BMP7: variants seen among roughly 807,000 people sequenced by gnomAD.
The protein encoded by BMP7 is bone morphogenetic protein 7.
Under a neutral mutation model 41.2 loss-of-function variants are expected in BMP7, and 12 were observed. The ratio of observed to expected loss-of-function variants is 0.29; its 90% CI spans 0.19 to 0.47. The LOEUF (loss-of-function observed/expected upper bound fraction) is 0.47, where lower values mean the gene tolerates loss of function less well. Ranked by LOEUF, BMP7 falls within the 20% of genes least tolerant of loss-of-function variation. The probability of loss-of-function intolerance (pLI) is 0.99; values close to 1 mark genes in which losing one functional copy is unlikely to be tolerated. For missense variants in BMP7, 467 were observed against 606.0 expected, an observed-to-expected ratio of 0.77 and a Z score of 2.41; for synonymous variants, 248 against 250.0, an observed-to-expected ratio of 0.99 and a Z score of 0.07.
chr20:57,229,324 A>G (rs547851405), intron 1 of BMP7, among the ~76,000 whole-genome samples: 15 of 152,214 alleles, frequency 9.9e-5, no homozygotes, highest in Non-Finnish European at 1.8e-4. Context: ...AACAGCACTA[A>G]AAGGAGTGAA....
At chr20:57,202,707 T>TGGGGG in intron 2 of BMP7, 84 bp from the exon 3 acceptor site, 1 of 531,558 alleles carries the variant, frequency 1.9e-6, no homozygotes, top group Non-Finnish European at 3.5e-6. Flanking sequence ...CAGAGCCTCA[T>TGGGGG]GGGGTGGGAG....
chr20:57,203,202 T>C (rs535979208), intron 2 of BMP7, among the ~76,000 whole-genome samples: 1 of 152,332 alleles, frequency 6.6e-6, no homozygotes, highest in African/African-American at 2.4e-5. Flanking sequence ...TTCCAGGACG[T>C]GCACCATCTT....
intron 2 of BMP7, among the ~76,000 whole-genome samples, chr20:57,203,194 C>T (rs1049625358): frequency 2.6e-5 from 4 of 152,150 alleles, no homozygotes; most frequent in African/African-American, 9.7e-5. Flanking sequence ...CTCTTCATTT[C>T]CAGGACGTGC....
chr20:57,185,457 T>C (rs1984187816), intron 3 of BMP7, among the ~76,000 whole-genome samples: 1 of 152,156 alleles, frequency 6.6e-6, no homozygotes, highest in Non-Finnish European at 1.5e-5. Context: ...ACTGGCATGC[T>C]CTTGGCCCAA....
intron 2 of BMP7, among the ~76,000 whole-genome samples, chr20:57,222,258 G>A (rs1985206670): frequency 6.6e-6 from 1 of 152,094 alleles, no homozygotes; most frequent in Non-Finnish European, 1.5e-5. Flanking sequence ...AGCCAGGCTC[G>A]GGATGAATTA....
chr20:57,259,616 TCAATCCACTC>T lies in BMP7; in HGVS notation c.418+6079_418+6088del, dbSNP rs1441512593. On this transcript the variant is annotated intron_variant, in intron 1 of 6. Coordinates refer to ENST00000395863, the MANE Select transcript of BMP7 (RefSeq NM_001719.3). The surrounding 1 kb of genome is among the most constrained non-coding windows in gnomAD (Gnocchi z 4.7). Reference sequence around the variant, plus strand: ...TGGTGCTCTCGGAGTTGTCATTAATTCAATCCACTCCACGCGGATCAGCACAGGCTTTGCG... The same window carrying T: ...TGGTGCTCTCGGAGTTGTCATTAATTCACGCGGATCAGCACAGGCTTTGCG... Among the ~76,000 whole-genome samples the T allele has an allele frequency of 6.6e-6, 1 of 152,200 alleles. No homozygotes were observed. Among genetic ancestry groups the T allele is most frequent in the Non-Finnish European group, 1.5e-5 (1 of 68,038 alleles).
At chr20:57,192,194 G>C (rs1414129302) in intron 3 of BMP7, among the ~76,000 whole-genome samples, 1 of 118,408 alleles carries the variant, frequency 8.4e-6, no homozygotes, top group Non-Finnish European at 1.6e-5. Flanking sequence ...ATTATATATA[G>C]TATATATACT....
At chr20:57,247,355 C>T (rs2066094374) in intron 1 of BMP7, among the ~76,000 whole-genome samples, 1 of 152,202 alleles carries the variant, frequency 6.6e-6, no homozygotes, top group Non-Finnish European at 1.5e-5. Context: ...CCTCTTGTCC[C>T]ACAGTCACAA....
At chr20:57,244,721 T>C (rs2066082881) in intron 1 of BMP7, among the ~76,000 whole-genome samples, 1 of 152,172 alleles carries the variant, frequency 6.6e-6, no homozygotes, top group Non-Finnish European at 1.5e-5. Flanking sequence ...ACCTGTGCCT[T>C]GCCTGCTCCC....
intron 1 of BMP7, among the ~76,000 whole-genome samples, chr20:57,263,094 T>A (rs1437579675): frequency 1.3e-5 from 2 of 152,180 alleles, no homozygotes; most frequent in Admixed American, 6.5e-5. Context: ...CTCGCCAAAC[T>A]GCAGCCCAGG....
At chr20:57,189,962 T>G (rs1984311369) in intron 3 of BMP7, among the ~76,000 whole-genome samples, 1 of 152,076 alleles carries the variant, frequency 6.6e-6, no homozygotes, top group Non-Finnish European at 1.5e-5. Context: ...TGGGGCACAG[T>G]GTACAGGGCA....
Position 57,174,672 on chromosome 20 carries a change from A to C in BMP7, c.1035+259T>G, listed in dbSNP as rs1297120467. On this transcript the variant is annotated intron_variant, in intron 5 of 6. Coordinates refer to ENST00000395863, the MANE Select transcript of BMP7 (RefSeq NM_001719.3). The surrounding 1 kb of genome is among the most constrained non-coding windows in gnomAD (Gnocchi z 4.3). Reference sequence around the variant, plus strand: ...AGCAGCCAGCCAAGGGATGGGAATGAGGTGCATGCAGAGAATGGGGTTCAG... The same window carrying C: ...AGCAGCCAGCCAAGGGATGGGAATGCGGTGCATGCAGAGAATGGGGTTCAG... Among the ~76,000 whole-genome samples the C allele has an allele frequency of 6.6e-6, 1 of 152,148 alleles. No homozygotes were observed. The highest frequency in any genetic ancestry group is 1.5e-5 in the Non-Finnish European group (1 of 68,018).
chr20:57,199,930 GA>G (rs1984583475), intron 3 of BMP7, among the ~76,000 whole-genome samples: 1 of 152,236 alleles, frequency 6.6e-6, no homozygotes, highest in Non-Finnish European at 1.5e-5. Context: ...CCCGGAGTCA[GA>G]GGGGGACAGG....
Position 57,175,045 on chromosome 20 carries a change from A to G in BMP7, c.959-38T>C, listed in dbSNP as rs113035312. 3,582 of 1,585,370 alleles carry G rather than the reference A, an allele frequency of 2.3e-3. 6 individuals are homozygous for G. The highest frequency in any genetic ancestry group is 2.9e-3 in the Non-Finnish European group (3,371 of 1,166,588). ...GGAAGTGAAGAAGCAGAGCCCAGTG[A>G]GGAGAAAGAAACACACACACATCAA... On this transcript the variant is annotated intron_variant, in intron 4 of 6. Transcript: ENST00000395863.
At position 57,200,763 on chromosome 20, in the gene BMP7, C is replaced by T. The variant is rs117663046; in HGVS notation, c.760+1712G>A. 3.4e-3 allele frequency among the ~76,000 whole-genome samples: 512 copies of T among 152,232 alleles called. 2 individuals are homozygous for T. The highest frequency in any genetic ancestry group is 5.4e-3 in the Admixed American group (83 of 15,290). ...TGAATCGAGATCGTGCCATTGCACT[C>T]CAGCCTGGGTGACAGAGACTCCATC... On this transcript the variant is annotated intron_variant, in intron 3 of 6. Coordinates refer to ENST00000395863, the MANE Select transcript of BMP7 (RefSeq NM_001719.3).
At chr20:57,258,733 G>T (rs1190064697) in intron 1 of BMP7, among the ~76,000 whole-genome samples, 1 of 152,090 alleles carries the variant, frequency 6.6e-6, no homozygotes, top group Non-Finnish European at 1.5e-5. Flanking sequence ...AAATTCCATT[G>T]ATCTCTGAAA....
chr20:57,181,795 C>T (rs1267423028), intron 4 of BMP7, among the ~76,000 whole-genome samples: 1 of 152,186 alleles, frequency 6.6e-6, no homozygotes, highest in Non-Finnish European at 1.5e-5. Flanking sequence ...GCTCCAACCA[C>T]AGCTCAAAAA....
At chr20:57,185,313 C>A (rs955455887) in intron 3 of BMP7, among the ~76,000 whole-genome samples, 2 of 152,194 alleles carry the variant, frequency 1.3e-5, no homozygotes, top group African/African-American at 2.4e-5. Context: ...TCCCAAGTGC[C>A]CTTCATCCAG....
At chr20:57,251,704 C>T (rs2066114546) in intron 1 of BMP7, among the ~76,000 whole-genome samples, 1 of 152,188 alleles carries the variant, frequency 6.6e-6, no homozygotes, top group African/African-American at 2.4e-5. Flanking sequence ...GAGGCCGAGG[C>T]AGGCAGATCC....
Sources: allele counts gnomAD v4.1 joint callset (sites outside exome capture counted in the v4.1 genomes callset), GRCh38; gene constraint gnomAD v4.1.1; non-coding constraint Gnocchi (gnomAD v3.1); transcripts MANE v1.5; gene names NCBI Gene and HGNC (gene_info 2026-07-23, HGNC 2026-07-21).